NR3C2: variants seen among roughly 807,000 people sequenced by gnomAD.
The protein encoded by NR3C2 is nuclear receptor subfamily 3 group C member 2, also known as mineralocorticoid receptor.
A neutral mutation model predicts 86.4 loss-of-function variants in NR3C2; 15 were observed. The observed-to-expected ratio is 0.17, with a 90% CI of 0.12 to 0.27. The LOEUF is 0.27. NR3C2 is among the 10% of genes least tolerant of loss of function. NR3C2 has a pLI of 1.00. For synonymous variants in NR3C2, 458 were observed against 450.5 expected (o/e 1.02, Z -0.21); for missense variants, 960 against 1,195.6 (o/e 0.80, Z 2.91).
intron 1 of NR3C2, among the ~76,000 whole-genome samples, chr4:148,439,994 G>T (rs1414526478): frequency 6.6e-6 from 1 of 152,182 alleles, no homozygotes; most frequent in Admixed American, 6.5e-5. Context: ...AATAGGCTGT[G>T]TTTCACCACA....
intron 2 of NR3C2, among the ~76,000 whole-genome samples, chr4:148,324,331 C>CTGTGTGTGTGTG (rs374839889): frequency 5.0e-4 from 71 of 141,908 alleles, no homozygotes; most frequent in African/African-American, 1.6e-3. Context: ...TAATATTCCT[C>CTGTGTGTGTGTG]TGTGTGTGTG....
chr4:148,337,896 G>A (rs1278682442), intron 2 of NR3C2, among the ~76,000 whole-genome samples: 1 of 151,976 alleles, frequency 6.6e-6, no homozygotes, highest in East Asian at 1.9e-4. Context: ...TTTAATTTTG[G>A]AAAAATGGTA....
At chr4:148,361,501 G>T (rs112118829) in intron 2 of NR3C2, among the ~76,000 whole-genome samples, 60 of 152,142 alleles carry the variant, frequency 3.9e-4, no homozygotes, top group African/African-American at 1.3e-3. Flanking sequence ...TGCCCTTAGG[G>T]GCCTCTGAGA....
intron 6 of NR3C2, among the ~76,000 whole-genome samples, chr4:148,139,503 A>G (rs536009386): frequency 2.0e-5 from 3 of 152,310 alleles, no homozygotes; most frequent in South Asian, 4.1e-4. Context: ...GGAGACTGAC[A>G]TACAGCTGCA....
rs1229688964 is a variant in NR3C2, at chr4:148,165,470, T to G, written c.2015-10569A>C. 2.6e-5 allele frequency among the ~76,000 whole-genome samples: 4 copies of G among 152,158 alleles called. No individual in the cohort carries two copies. The East Asian group carries it at 7.7e-4, about 29-fold the overall frequency. On this transcript the variant is annotated intron_variant, in intron 4 of 8. Transcript: ENST00000358102. Reference sequence around the variant, plus strand: ...TTTTCTTCAAAATATTTCTTCCCTCTTAGTTCAACAGTCTTTCTGTGAAAT... The same window carrying G: ...TTTTCTTCAAAATATTTCTTCCCTCGTAGTTCAACAGTCTTTCTGTGAAAT...
At position 148,078,928 on chromosome 4, in the gene NR3C2, A is replaced by G. The variant is rs767087524; in HGVS notation, c.*2416T>C. 6 of 152,768 alleles carry G rather than the reference A, an allele frequency of 3.9e-5. No homozygotes were observed. The highest frequency in any genetic ancestry group is 8.8e-5 in the Non-Finnish European group (6 of 68,034). The allele number at this position is 152,768 out of a possible 1,614,324, so 9.5% of individuals were successfully genotyped here. On this transcript the variant is annotated 3_prime_UTR_variant, in exon 9 of 9. Transcript: ENST00000358102. ...TGAACTGTACCAAACCAAGATTTTTAAGAGCAATATGGTACAAAAATAAGA... is the reference window on the plus strand; with the variant it reads ...TGAACTGTACCAAACCAAGATTTTTGAGAGCAATATGGTACAAAAATAAGA...
At chr4:148,081,918 C>A (rs1730581189) in intron 8 of NR3C2, among the ~76,000 whole-genome samples, 1 of 152,206 alleles carries the variant, frequency 6.6e-6, no homozygotes, top group Non-Finnish European at 1.5e-5. Flanking sequence ...GGCCCAGGGT[C>A]TAAGCACCAC....
At chr4:148,319,691 T>C (rs1318036573) in intron 2 of NR3C2, among the ~76,000 whole-genome samples, 1 of 151,116 alleles carries the variant, frequency 6.6e-6, no homozygotes, top group Non-Finnish European at 1.5e-5. Flanking sequence ...CTGTTGTTGG[T>C]GTATAAGAAT....
At chr4:148,200,939 A>C (rs1191663430) in intron 3 of NR3C2, 1 of 152,238 alleles carries the variant, frequency 6.6e-6, no homozygotes, top group African/African-American at 2.4e-5. Flanking sequence ...ATTAAAAAAA[A>C]AAACTCTTAC....
At chr4:148,219,809 TTTA>T (rs1214649468) in intron 3 of NR3C2, among the ~76,000 whole-genome samples, 1 of 152,240 alleles carries the variant, frequency 6.6e-6, no homozygotes, top group Non-Finnish European at 1.5e-5. Context: ...TGCGATGAGT[TTTA>T]TTGTTATTTT....
chr4:148,155,866 A>G (rs1458334633), intron 4 of NR3C2, among the ~76,000 whole-genome samples: 2 of 152,132 alleles, frequency 1.3e-5, no homozygotes, highest in Non-Finnish European at 2.9e-5. Context: ...GAACTATACT[A>G]CAAGGCTACA....
At chr4:148,197,190 G>A (rs923574012) in intron 3 of NR3C2, among the ~76,000 whole-genome samples, 1 of 152,178 alleles carries the variant, frequency 6.6e-6, no homozygotes, top group Non-Finnish European at 1.5e-5. Context: ...AGACATTGAA[G>A]ATGCTCTTTG....
Position 148,436,415 on chromosome 4 carries a change from T to C in NR3C2, c.446A>G (p.His149Arg), listed in dbSNP as rs1311992712. ...QLVKFYKGNGHRPSTLSCVNT... is the reference protein window; with the variant it reads ...QLVKFYKGNGRRPSTLSCVNT... The stretch of plus-strand genomic sequence containing the variant: ...CACACAACTTAGAGTGGAAGGACGA[T>C]GGCCATTTCCTTTGTAAAATTTCAC... Residue 149 changes from histidine to arginine, a missense_variant, in exon 2 of 9, where the codon CAT becomes CGT. This residue lies in a region of NR3C2 where 680 missense variants were observed against 719.0 expected (regional missense o/e 0.95). Transcript: ENST00000358102. 1 of 1,614,096 alleles carries C rather than the reference T, an allele frequency of 6.2e-7. No individual in the cohort carries two copies. Among genetic ancestry groups the C allele is most frequent in the Non-Finnish European group, 8.5e-7 (1 of 1,180,048 alleles).
intron 8 of NR3C2, among the ~76,000 whole-genome samples, chr4:148,113,630 A>C (rs780503649): frequency 6.6e-6 from 1 of 152,168 alleles, no homozygotes; most frequent in Non-Finnish European, 1.5e-5. Flanking sequence ...GCAATAACTC[A>C]AGCATACCCT....
At chr4:148,443,196 C>T (rs984082201), upstream of NR3C2, among the ~76,000 whole-genome samples, 4 of 131,694 alleles carry the variant, frequency 3.0e-5, no homozygotes, top group African/African-American at 1.1e-4. Flanking sequence ...ACACAGCTTT[C>T]CTCCCATCCC....
chr4:148,205,371 T>C (rs1736951930), intron 3 of NR3C2, among the ~76,000 whole-genome samples: 1 of 152,222 alleles, frequency 6.6e-6, no homozygotes, highest in Non-Finnish European at 1.5e-5. Flanking sequence ...ATAGGACATC[T>C]GGTGAAAAGG....
intron 7 of NR3C2, among the ~76,000 whole-genome samples, chr4:148,115,186 C>T (rs556818632): frequency 1.3e-5 from 2 of 152,198 alleles, no homozygotes; most frequent in South Asian, 2.1e-4. Context: ...GGCTAGCTTT[C>T]GTATGTTTTA....
At chr4:148,349,765 T>C (rs1745178093) in intron 2 of NR3C2, among the ~76,000 whole-genome samples, 1 of 152,144 alleles carries the variant, frequency 6.6e-6, no homozygotes, top group Non-Finnish European at 1.5e-5. Context: ...CATTTCCCAT[T>C]AGACAATTTT....
At chr4:148,423,722 T>A (rs72645605) in intron 2 of NR3C2, among the ~76,000 whole-genome samples, 2,109 of 152,262 alleles carry the variant, frequency 0.014, 48 homozygotes, top group African/African-American at 0.047. Context: ...TATTATTATT[T>A]TTGAAACAGA....
Sources: gnomAD v4.1 joint callset for allele counts (sites outside exome capture counted in the v4.1 genomes callset) on GRCh38, gnomAD v4.1.1 for gene constraint, gnomAD v4.1.1 regional missense constraint, MANE v1.5 for transcripts, NCBI Gene and HGNC (gene_info 2026-07-23, HGNC 2026-07-21) for gene names.